ADGRL3: variants seen among roughly 807,000 people sequenced by gnomAD.
ADGRL3 encodes the protein calcium-independent alpha-latrotoxin receptor 3.
A neutral mutation model predicts 153.5 loss-of-function variants in ADGRL3; 62 were observed. The ratio of observed to expected loss-of-function variants is 0.40; its 90% confidence interval spans 0.33 to 0.50. The LOEUF (loss-of-function observed/expected upper bound fraction) is 0.50. Among genes scored for constraint, ADGRL3 ranks in the 20% least tolerant of loss-of-function variants. The pLI, the probability that ADGRL3 is intolerant of heterozygous loss-of-function variation, is 0.47. For missense variants in ADGRL3, 1,641 were observed against 1,859.4 expected, an observed-to-expected ratio of 0.88 and a Z score of 2.16; for synonymous variants, 710 against 672.5, an observed-to-expected ratio of 1.06 and a Z score of -0.86.
chr4:61,894,066 A>G (rs2098608764), intron 10 of ADGRL3, among the ~76,000 whole-genome samples: 2 of 152,008 alleles, frequency 1.3e-5, no homozygotes, highest in Admixed American at 1.3e-4. Context: ...TGTTAACCAT[A>G]TTATTATTTA....
rs1170939537 is a variant in ADGRL3 at position 62,063,145 on chromosome 4, T to TTGTTTTG, written c.3815-5005_3815-4999dup. ...TGTGTTTTAAACTTTTTTTTGGCTT[T>TTGTTTTG]TGTTTTGTGTTTTGTGTTTTGTTTG... On this transcript the variant is annotated intron_variant, in intron 25 of 26. Coordinates refer to ENST00000683033, the MANE Select transcript of ADGRL3 (RefSeq NM_001387552.1). 3.3e-5 allele frequency among the ~76,000 whole-genome samples: 5 copies of TTGTTTTG among 152,214 alleles called. No individual in the cohort carries two copies. The South Asian group carries it at 1.0e-3, about 32-fold the overall frequency.
At position 61,736,957 on chromosome 4, in the gene ADGRL3, T is replaced by G. The variant is rs1471903546; in HGVS notation, c.1399+3403T>G. Among the ~76,000 whole-genome samples, 5 of 152,328 alleles carry G rather than the reference T, an allele frequency of 3.3e-5. No individual in the cohort carries two copies. The South Asian group carries it at 6.2e-4, about 19-fold the overall frequency. ...GGAAAGAATATGTATAGAAATAAAT[T>G]GCATGCATGATATGTGCTGATAGGA... On this transcript the variant is annotated intron_variant, in intron 8 of 26. Coordinates refer to ENST00000683033, the MANE Select transcript of ADGRL3 (RefSeq NM_001387552.1).
chr4:61,676,588 A>T (rs1393616204), intron 5 of ADGRL3, among the ~76,000 whole-genome samples: 1 of 151,992 alleles, frequency 6.6e-6, no homozygotes, highest in Non-Finnish European at 1.5e-5. Flanking sequence ...ACTAGAAATT[A>T]TGCTGTATTC....
chr4:61,739,412 G>A (rs909044134), intron 8 of ADGRL3, among the ~76,000 whole-genome samples: 1 of 151,838 alleles, frequency 6.6e-6, no homozygotes, highest in Non-Finnish European at 1.5e-5. Flanking sequence ...GGGTTCAAAC[G>A]ATTCTCGAGC....
intron 21 of ADGRL3, among the ~76,000 whole-genome samples, chr4:62,011,372 C>T (rs994872536): frequency 2.0e-5 from 3 of 151,980 alleles, no homozygotes; most frequent in Non-Finnish European, 4.4e-5. Flanking sequence ...CAAAAGCTTA[C>T]GATTCAATGT....
intron 1 of ADGRL3, among the ~76,000 whole-genome samples, chr4:61,324,052 G>C (rs868047226): frequency 1.3e-4 from 20 of 152,188 alleles, no homozygotes; most frequent in Non-Finnish European, 2.5e-4. Flanking sequence ...CAGGCAAAGA[G>C]AGAGATTGTG....
chr4:61,256,460 G>A (rs1250935940), intron 1 of ADGRL3, among the ~76,000 whole-genome samples: 2 of 152,008 alleles, frequency 1.3e-5, no homozygotes, highest in African/African-American at 4.8e-5. Flanking sequence ...TTCTGAACTG[G>A]TAACAATAAT....
chr4:61,816,545 T>C (rs2097690335), intron 9 of ADGRL3, among the ~76,000 whole-genome samples: 1 of 152,138 alleles, frequency 6.6e-6, no homozygotes, highest in Admixed American at 6.5e-5. Flanking sequence ...GGACCATGAA[T>C]ATAAGAAGAG....
At chr4:61,563,410 G>C (rs2098803546) in intron 4 of ADGRL3, among the ~76,000 whole-genome samples, 1 of 152,144 alleles carries the variant, frequency 6.6e-6, no homozygotes, top group African/African-American at 2.4e-5. Flanking sequence ...AGGGCCTTAG[G>C]ATTTTCAGAG....
chr4:61,727,097 A>G (rs922414544), intron 6 of ADGRL3, among the ~76,000 whole-genome samples: 1 of 152,172 alleles, frequency 6.6e-6, no homozygotes, highest in South Asian at 2.1e-4. Context: ...AAGGTATTGC[A>G]TATGATTCAG....
chr4:61,539,346 G>C (rs908258991), intron 4 of ADGRL3, among the ~76,000 whole-genome samples: 1 of 152,180 alleles, frequency 6.6e-6, no homozygotes, highest in Non-Finnish European at 1.5e-5. Context: ...TTCTCTCCAC[G>C]CCTATTCCTT....
intron 9 of ADGRL3, among the ~76,000 whole-genome samples, chr4:61,854,764 A>G (rs533627826): frequency 6.6e-6 from 1 of 152,298 alleles, no homozygotes; most frequent in African/African-American, 2.4e-5. Context: ...CTTAGAAGAC[A>G]CTACCTTTGT....
chr4:61,801,097 C>T (rs894772946), intron 8 of ADGRL3, among the ~76,000 whole-genome samples: 1 of 152,058 alleles, frequency 6.6e-6, no homozygotes, highest in Non-Finnish European at 1.5e-5. Flanking sequence ...TTCAGCATTG[C>T]TTTTCTGGTT....
chr4:61,308,560 A>G (rs2094886380), intron 1 of ADGRL3, among the ~76,000 whole-genome samples: 1 of 152,180 alleles, frequency 6.6e-6, no homozygotes, highest in African/African-American at 2.4e-5. Flanking sequence ...GTGTTAACTC[A>G]GTCTGGCACC....
At chr4:62,024,566 T>C (rs767734804) in intron 21 of ADGRL3, among the ~76,000 whole-genome samples, 2 of 152,182 alleles carry the variant, frequency 1.3e-5, no homozygotes, top group African/African-American at 2.4e-5. Flanking sequence ...ATTTTTAATA[T>C]CTTTAATGCT....
chr4:61,740,752 C>G (rs150222694), intron 8 of ADGRL3, among the ~76,000 whole-genome samples: 1,780 of 152,268 alleles, frequency 0.012, 17 homozygotes, highest in Non-Finnish European at 0.019. Context: ...AAAAACACAT[C>G]CAGCAATAAG....
chr4:61,856,318 C>T (rs921166829), intron 9 of ADGRL3, among the ~76,000 whole-genome samples: 2 of 148,568 alleles, frequency 1.3e-5, no homozygotes, highest in Non-Finnish European at 3.0e-5. Flanking sequence ...TCTTTATTTC[C>T]CTTCCTTTCT....
intron 1 of ADGRL3, among the ~76,000 whole-genome samples, chr4:61,301,335 A>G (rs767162927): frequency 6.6e-6 from 1 of 152,234 alleles, no homozygotes; most frequent in Non-Finnish European, 1.5e-5. Flanking sequence ...TTGGGAATTT[A>G]AAATATCACT....
At chr4:62,064,819 C>A (rs1194592923) in intron 25 of ADGRL3, among the ~76,000 whole-genome samples, 4 of 152,010 alleles carry the variant, frequency 2.6e-5, no homozygotes, top group African/African-American at 9.7e-5. Flanking sequence ...CAGGAGGCAT[C>A]TTGCCAGATG....
Sources: allele counts gnomAD v4.1 joint callset (sites outside exome capture counted in the v4.1 genomes callset), GRCh38; gene constraint gnomAD v4.1.1; transcripts MANE v1.5; gene names NCBI Gene and HGNC (gene_info 2026-07-23, HGNC 2026-07-21).